The following ARHGAP35 variants were observed in gnomAD, a reference collection of about 807,000 sequenced individuals.
ARHGAP35 encodes the protein Rho GTPase activating protein 35.
Under a neutral mutation model 111.1 loss-of-function variants are expected in ARHGAP35, and 15 were observed. That is an observed-to-expected ratio of 0.13 (90% confidence interval 0.09 to 0.21). ARHGAP35 has a LOEUF of 0.21. Ranked by LOEUF, ARHGAP35 falls within the 10% of genes least tolerant of loss-of-function variation. The probability of loss-of-function intolerance (pLI) is 1.00; values close to 1 mark genes in which losing one functional copy is unlikely to be tolerated. For missense variants in ARHGAP35, 1,262 were observed against 1,873.0 expected (o/e 0.67, Z 6.02); for synonymous variants, 643 against 710.3 (o/e 0.91, Z 1.51).
In ARHGAP35 at chr19:46,999,390, G is replaced by A. The variant is rs1021782470; in HGVS notation, c.4123G>A (p.Val1375Ile). 10 of 1,586,214 alleles carry A rather than the reference G, an allele frequency of 6.3e-6. No homozygotes were observed. The Admixed American group carries it at 9.0e-5, about 14-fold the overall frequency. The change falls in exon 6 of 7, where the codon GTC becomes ATC. Residue 1375 changes from valine to isoleucine, a missense_variant. Val to Ile is a conservative substitution (Grantham distance 29). Around this residue, in one of 8 missense-constraint regions of ARHGAP35, gnomAD observed 50 missense variants for 60.5 expected, o/e 0.83. Coordinates refer to ENST00000672722, the MANE Select transcript of ARHGAP35 (RefSeq NM_004491.5). This position sits in a 1 kb window ranked among gnomAD's most constrained non-coding sequence, Gnocchi z 5.4. ...PKENHEVFKY[V>I]ISHLNKVSHN... ...GGAAAACCACGAAGTCTTCAAGTAT[G>A]TCATCTCTCACCTAAACAAGTAAGT... is the stretch of plus-strand genomic sequence containing the variant.
At position 46,944,829 on chromosome 19, in the gene ARHGAP35, C is replaced by T. The variant is rs150255396; in HGVS notation, c.3826+7421C>T. Among the ~76,000 whole-genome samples, 28 of 152,292 alleles carry T rather than the reference C, an allele frequency of 1.8e-4. No individual in the cohort carries two copies. The East Asian group carries it at 4.8e-3, about 26-fold the overall frequency. On this transcript the variant is annotated intron_variant, in intron 3 of 6. Transcript: ENST00000672722. ...AGGGCGCTGTGTTGAGACTCCTCCCCGATATTTTCCCTTCTCAGGTTAGCT... is the reference window on the plus strand; with the variant it reads ...AGGGCGCTGTGTTGAGACTCCTCCCTGATATTTTCCCTTCTCAGGTTAGCT...
At position 46,988,110 on chromosome 19, in the gene ARHGAP35, A is replaced by C; in HGVS notation, c.3904+44A>C. 6.3e-7 allele frequency: 1 copy of C among 1,578,150 alleles called. No individual in the cohort carries two copies. Among genetic ancestry groups the C allele is most frequent in the Non-Finnish European group, 8.7e-7 (1 of 1,152,630 alleles). On this transcript the variant is annotated intron_variant, in intron 4 of 6. Transcript: ENST00000672722. This position sits in a 1 kb window ranked among gnomAD's most constrained non-coding sequence, Gnocchi z 5.4. ...AGGCATCCGAGGCCAGAGCTGGTCA[A>C]GGCAGACACAGCTGCCTCGGTGAAC...
At chr19:46,888,310 ATATAT>A (rs1568461136) in intron 1 of ARHGAP35, among the ~76,000 whole-genome samples, 41 of 64,416 alleles carry the variant, frequency 6.4e-4, no homozygotes, top group African/African-American at 2.1e-3. Flanking sequence ...ATATATATAT[ATATAT>A]ATAAAATATT....
chr19:46,862,442 C>T (rs529794559), intron 1 of ARHGAP35, among the ~76,000 whole-genome samples: 1 of 152,076 alleles, frequency 6.6e-6, no homozygotes, highest in South Asian at 2.1e-4. Context: ...GCTCCAATTC[C>T]TCTCCTCCCC....
intron 1 of ARHGAP35, among the ~76,000 whole-genome samples, chr19:46,895,374 C>T (rs1034846286): frequency 2.0e-5 from 3 of 152,020 alleles, no homozygotes; most frequent in African/African-American, 7.2e-5. Context: ...CCGTGTTAGC[C>T]AGGATAGTCT....
At chr19:46,863,991 C>T (rs2055842573) in intron 1 of ARHGAP35, among the ~76,000 whole-genome samples, 2 of 152,224 alleles carry the variant, frequency 1.3e-5, no homozygotes, top group Admixed American at 6.5e-5. Flanking sequence ...GATTTCTGCC[C>T]TCTGGTATTG....
intron 3 of ARHGAP35, among the ~76,000 whole-genome samples, chr19:46,968,584 A>G (rs1212972658): frequency 1.3e-5 from 2 of 152,214 alleles, no homozygotes; most frequent in Non-Finnish European, 2.9e-5. Context: ...CAAATATCCC[A>G]CTGATGAGTG....
chr19:46,922,448 G>A lies in ARHGAP35; in HGVS notation c.3681+92G>A. The A allele has an allele frequency of 5.5e-6, 7 of 1,274,170 alleles. No individual in the cohort carries two copies. Among genetic ancestry groups the A allele is most frequent in the South Asian group, 5.3e-5 (3 of 56,756 alleles). 78.9% of individuals were successfully genotyped at this position (1,274,170 alleles called of 1,614,324 possible). ...TGATTTTTCAAGGACAACCTATTCT[G>A]GTAAAAAAAAAACTGCCCTGTGTGT... On this transcript the variant is annotated intron_variant, in intron 2 of 6. Coordinates refer to ENST00000672722, the MANE Select transcript of ARHGAP35 (RefSeq NM_004491.5). The surrounding 1 kb of genome is among the most constrained non-coding windows in gnomAD (Gnocchi z 4.0).
rs372872932 is a variant in ARHGAP35 at position 46,919,639 on chromosome 19, C to G, written c.964C>G (p.Leu322Val). 3.7e-6 allele frequency: 6 copies of G among 1,613,804 alleles called. No homozygotes were observed. The highest frequency in any genetic ancestry group is 5.1e-6 in the Non-Finnish European group (6 of 1,179,856). The change falls in exon 2 of 7, where the codon CTA becomes GTA. Residue 322 changes from leucine (L) to valine (V), a missense_variant. Physicochemically the swap from Leu to Val is conservative, Grantham distance 32. Around this residue, in one of 8 missense-constraint regions of ARHGAP35, gnomAD observed 328 missense variants for 440.8 expected, o/e 0.74. Coordinates refer to ENST00000672722, the MANE Select transcript of ARHGAP35 (RefSeq NM_004491.5). This position sits in a 1 kb window ranked among gnomAD's most constrained non-coding sequence, Gnocchi z 6.2. ...EGTQKAKKLFLQHIHRLKHEH... is the reference protein window; with the variant it reads ...EGTQKAKKLFVQHIHRLKHEH... Reference sequence around the variant, plus strand: ...GACTCAGAAAGCCAAGAAGCTGTTTCTACAGCACATCCACCGCCTCAAGCA... The same window carrying G: ...GACTCAGAAAGCCAAGAAGCTGTTTGTACAGCACATCCACCGCCTCAAGCA...
chr19:46,990,138 A>G (rs1390648754), intron 5 of ARHGAP35, among the ~76,000 whole-genome samples: 1 of 152,208 alleles, frequency 6.6e-6, no homozygotes. Flanking sequence ...CATGTAATGA[A>G]GTTAACATGG....
At position 46,887,665 on chromosome 19, in the gene ARHGAP35, C is replaced by G. The variant is rs191343232; in HGVS notation, c.-189+26456C>G. The stretch of plus-strand genomic sequence containing the variant: ...CCCTCCTTCAACTCAGTGCTCTAAC[C>G]ATGTGGAATGACTAACTCTCCCCAA... On this transcript the variant is annotated intron_variant, in intron 1 of 6. Coordinates refer to ENST00000672722, the MANE Select transcript of ARHGAP35 (RefSeq NM_004491.5). Among the ~76,000 whole-genome samples, 9 of 152,228 alleles carry G rather than the reference C, an allele frequency of 5.9e-5. No individual in the cohort carries two copies. The East Asian group carries it at 1.7e-3, about 29-fold the overall frequency.
chr19:47,000,277 G>T lies in ARHGAP35; in HGVS notation c.4143-54G>T. 6.4e-7 allele frequency: 1 copy of T among 1,568,176 alleles called. No homozygotes were observed. The highest frequency in any genetic ancestry group is 8.7e-7 in the Non-Finnish European group (1 of 1,153,392). ...GGGTGCTGAAGACCATGAGCGCCCAGGGCCAGGTGGGGCCCTGCACAGTTC... is the reference window on the plus strand; with the variant it reads ...GGGTGCTGAAGACCATGAGCGCCCATGGCCAGGTGGGGCCCTGCACAGTTC... On this transcript the variant is annotated intron_variant, in intron 6 of 6. Transcript: ENST00000672722. This position sits in a 1 kb window ranked among gnomAD's most constrained non-coding sequence, Gnocchi z 6.9.
At chr19:46,904,850 G>A (rs180895010) in intron 1 of ARHGAP35, among the ~76,000 whole-genome samples, 147 of 152,216 alleles carry the variant, frequency 9.7e-4, no homozygotes, top group African/African-American at 3.2e-3. Flanking sequence ...TGTCTTTAGC[G>A]TGTCAGGACC....
chr19:46,986,229 C>T lies in ARHGAP35; in HGVS notation c.3827-1760C>T, dbSNP rs1296431195. ...TTGATGGCTCACAGTGGACTTCGTT[C>T]CCAGGACAGGGTGAGTGGACTCAGT... is the stretch of plus-strand genomic sequence containing the variant. On this transcript the variant is annotated intron_variant, in intron 3 of 6. Transcript: ENST00000672722. This position sits in a 1 kb window ranked among gnomAD's most constrained non-coding sequence, Gnocchi z 4.3. Among the ~76,000 whole-genome samples, 1 of 152,180 alleles carries T rather than the reference C, an allele frequency of 6.6e-6. No individual in the cohort carries two copies. Among genetic ancestry groups the T allele is most frequent in the Admixed American group, 6.5e-5 (1 of 15,276 alleles).
chr19:46,951,023 C>T (rs991396135), intron 3 of ARHGAP35, among the ~76,000 whole-genome samples: 1 of 152,202 alleles, frequency 6.6e-6, no homozygotes, highest in Non-Finnish European at 1.5e-5. Context: ...GAATGTGGAG[C>T]CCGGCAGCTG....
intron 1 of ARHGAP35, among the ~76,000 whole-genome samples, chr19:46,894,164 G>T (rs948025017): frequency 6.6e-6 from 1 of 152,064 alleles, no homozygotes; most frequent in Non-Finnish European, 1.5e-5. Flanking sequence ...GCAATCCCTT[G>T]CCTGTGGATT....
At position 47,003,767 on chromosome 19, in the gene ARHGAP35, G is replaced by GCCGCACA. The variant is rs2056760814; in HGVS notation, c.*3079_*3080insCCGCACA. 6.6e-6 allele frequency: 1 copy of GCCGCACA among 152,206 alleles called. No individual in the cohort carries two copies. The highest frequency in any genetic ancestry group is 2.1e-4 in the South Asian group (1 of 4,828). 9.4% of individuals were successfully genotyped at this position (152,206 alleles called of 1,614,324 possible). ...CTGTCTTTGTCACGGTGGACAGAGG[G>GCCGCACA]TGACATCATAGGAGCAGCTCGCTGG... On this transcript the variant is annotated 3_prime_UTR_variant, in exon 7 of 7. Coordinates refer to ENST00000672722, the MANE Select transcript of ARHGAP35 (RefSeq NM_004491.5).
chr19:46,900,858 C>T (rs952876087), intron 1 of ARHGAP35, among the ~76,000 whole-genome samples: 2 of 152,196 alleles, frequency 1.3e-5, no homozygotes, highest in African/African-American at 4.8e-5. Flanking sequence ...ATTCTTAACT[C>T]CCTTGCCTCC....
chr19:46,956,089 G>A (rs910065519), intron 3 of ARHGAP35, among the ~76,000 whole-genome samples: 8 of 152,252 alleles, frequency 5.3e-5, no homozygotes, highest in Admixed American at 3.3e-4. Context: ...AGACCAGTGC[G>A]GGCAGATCAC....
Sources: gnomAD v4.1 joint callset for allele counts (sites outside exome capture counted in the v4.1 genomes callset) on GRCh38, gnomAD v4.1.1 for gene constraint, gnomAD v4.1.1 regional missense constraint, Gnocchi (gnomAD v3.1) non-coding constraint, MANE v1.5 for transcripts, NCBI Gene and HGNC (gene_info 2026-07-23, HGNC 2026-07-21) for gene names.